Variants in BTD observed in about 807,000 individuals in gnomAD.
BTD encodes the protein biotinidase.
BTD carries 13 observed loss-of-function variants against 17.7 expected under a neutral mutation model. The ratio of observed to expected loss-of-function variants is 0.74; its 90% confidence interval spans 0.48 to 1.17. The LOEUF is 1.17. Ranked by LOEUF, BTD falls within the 50% of genes most tolerant of loss-of-function variation. The probability of loss-of-function intolerance (pLI) is 0.00; values close to 1 mark genes in which losing one functional copy is unlikely to be tolerated. For missense variants in BTD, 674 were observed against 650.4 expected, an observed-to-expected ratio of 1.04 and a Z score of -0.39; for synonymous variants, 240 against 245.2, an observed-to-expected ratio of 0.98 and a Z score of 0.20.
intron 3 of BTD, among the ~76,000 whole-genome samples, chr3:15,682,090 A>G (rs2067608361): frequency 6.6e-6 from 1 of 152,188 alleles, no homozygotes; most frequent in African/African-American, 2.4e-5. Context: ...CAAAAAAAAT[A>G]TGAATAAAAA....
chr3:15,684,439 T>G (rs560649197), intron 3 of BTD: 1 of 152,328 alleles, frequency 6.6e-6, no homozygotes, highest in East Asian at 1.9e-4. Flanking sequence ...TTTATTCCTT[T>G]AAAACATTGA....
chr3:15,673,220 A>G (rs2066562900), intron 3 of BTD, among the ~76,000 whole-genome samples: 1 of 152,246 alleles, frequency 6.6e-6, no homozygotes, highest in African/African-American at 2.4e-5. Flanking sequence ...GACCCTCTTA[A>G]GTACTCTCAT....
intron 1 of BTD, among the ~76,000 whole-genome samples, chr3:15,616,795 C>G (rs1376454833): frequency 1.3e-5 from 2 of 151,926 alleles, no homozygotes; most frequent in African/African-American, 2.4e-5. Context: ...TGTGTATCTT[C>G]CTTGGTGAGA....
At chr3:15,700,592 G>A (rs901233543) in intron 3 of BTD, among the ~76,000 whole-genome samples, 1 of 152,152 alleles carries the variant, frequency 6.6e-6, no homozygotes, top group Non-Finnish European at 1.5e-5. Context: ...TGGCCAACAT[G>A]GTGAAATCTT....
intron 3 of BTD, among the ~76,000 whole-genome samples, chr3:15,666,786 AT>A (rs1431257083): frequency 2.0e-5 from 3 of 152,178 alleles, no homozygotes. Context: ...AGAGCTGCTG[AT>A]TTTGTTCTTT....
At chr3:15,721,109 A>T (rs779806351) in intron 4 of BTD, 7 of 1,611,852 alleles carry the variant, frequency 4.3e-6, no homozygotes, top group Admixed American at 1.7e-5. Context: ...GTATTTCCAT[A>T]GGCATTTGGT....
chr3:15,706,238 C>G (rs1403735674), intron 3 of BTD, among the ~76,000 whole-genome samples: 2 of 152,034 alleles, frequency 1.3e-5, no homozygotes, highest in Non-Finnish European at 2.9e-5. Flanking sequence ...TATCCCTCCC[C>G]CTCCTCCCCA....
chr3:15,678,438 G>A (rs1350079499), intron 3 of BTD: 2 of 1,308,512 alleles, frequency 1.5e-6, no homozygotes, highest in Middle Eastern at 2.0e-4. Flanking sequence ...GTGACATGCT[G>A]TTTTTAAGGG....
At chr3:15,613,552 TC>T (rs2064699056) in intron 1 of BTD, among the ~76,000 whole-genome samples, 2 of 152,006 alleles carry the variant, frequency 1.3e-5, no homozygotes, top group East Asian at 3.9e-4. Context: ...TCTCCTCCTT[TC>T]CTCCCCTTCT....
intron 3 of BTD, among the ~76,000 whole-genome samples, chr3:15,688,768 T>C (rs2068442634): frequency 6.6e-6 from 1 of 152,230 alleles, no homozygotes; most frequent in African/African-American, 2.4e-5. Context: ...TAGCAAGTCA[T>C]TTAACTGACT....
intron 1 of BTD, among the ~76,000 whole-genome samples, chr3:15,605,236 G>T (rs935773662): frequency 6.6e-5 from 10 of 152,222 alleles, no homozygotes; most frequent in Non-Finnish European, 1.2e-4. Flanking sequence ...TCACAATCAT[G>T]GTGGAAGATG....
downstream of BTD, chr3:15,714,764 T>A: frequency 1.3e-6 from 1 of 752,004 alleles, no homozygotes; most frequent in Non-Finnish European, 2.0e-6. Context: ...CTATTTTACA[T>A]GAATTAAGTT....
At chr3:15,693,726 G>C (rs752138071) in intron 3 of BTD, among the ~76,000 whole-genome samples, 1 of 152,114 alleles carries the variant, frequency 6.6e-6, no homozygotes, top group Non-Finnish European at 1.5e-5. Context: ...GCATGTCTGG[G>C]AGAGGTGATG....
chr3:15,673,207 G>A (rs2066561198), intron 3 of BTD, among the ~76,000 whole-genome samples: 1 of 152,236 alleles, frequency 6.6e-6, no homozygotes, highest in South Asian at 2.1e-4. Context: ...GAAAGGATTT[G>A]AAGACCCTCT....
chr3:15,715,935 A>AG (rs1404584637), downstream of BTD, among the ~76,000 whole-genome samples: 2 of 151,944 alleles, frequency 1.3e-5, no homozygotes, highest in African/African-American at 2.4e-5. Flanking sequence ...AAAATGTTCC[A>AG]GATAGGATAT....
chr3:15,685,959 G>T, intron 3 of BTD: 2 of 1,475,482 alleles, frequency 1.4e-6, no homozygotes, highest in Non-Finnish European at 1.9e-6. Flanking sequence ...GTAATATGAG[G>T]TCATAAAAGC....
exon 4 of BTD, among the ~76,000 whole-genome samples, chr3:15,711,512 G>A (rs1318446108): frequency 6.6e-6 from 1 of 152,186 alleles, no homozygotes; most frequent in Non-Finnish European, 1.5e-5. Context: ...TATATTAAGT[G>A]AAACAAGCCA....
chr3:15,716,092 C>T (rs562421130), downstream of BTD, among the ~76,000 whole-genome samples: 4 of 151,194 alleles, frequency 2.6e-5, no homozygotes, highest in Admixed American at 1.3e-4. Flanking sequence ...AAGTGATTCT[C>T]CTGCCTCAGC....
At chr3:15,601,671 C>G (rs2064247280), upstream of BTD, 3 of 1,554,088 alleles carry the variant, frequency 1.9e-6, no homozygotes, top group Non-Finnish European at 2.6e-6. Context: ...CACGCGCGTT[C>G]TCCAATCAGA....
Sources: gnomAD v4.1 joint callset for allele counts (sites outside exome capture counted in the v4.1 genomes callset) on GRCh38, gnomAD v4.1.1 for gene constraint, MANE v1.5 for transcripts, NCBI Gene and HGNC (gene_info 2026-07-23, HGNC 2026-07-21) for gene names.